PSMC2: variants seen among roughly 807,000 people sequenced by gnomAD.
PSMC2 encodes 26S proteasome regulatory subunit 7.
Under a neutral mutation model 53.3 loss-of-function variants are expected in PSMC2, and 7 were observed. The ratio of observed to expected loss-of-function variants is 0.13; its 90% CI spans 0.07 to 0.25. The LOEUF (loss-of-function observed/expected upper bound fraction) is 0.25, where lower values mean the gene tolerates loss of function less well. Among genes scored for constraint, PSMC2 ranks in the 10% least tolerant of loss-of-function variants. The pLI is 1.00. For synonymous variants in PSMC2, 169 were observed against 183.9 expected, an observed-to-expected ratio of 0.92 and a Z score of 0.66; for missense variants, 241 against 544.0, an observed-to-expected ratio of 0.44 and a Z score of 5.54.
At position 103,353,160 on chromosome 7, in the gene PSMC2, ATG is replaced by A. The variant is rs368540050; in HGVS notation, c.71-757_71-756del. ...AACACCATTTCAGGTTACTCTCCAC[ATG>A]TGTTTTAAGTGATTTTTATATAAAA... is the stretch of plus-strand genomic sequence containing the variant. On this transcript the variant is annotated intron_variant, in intron 1 of 11. Transcript: ENST00000292644. Among the ~76,000 whole-genome samples, 143 of 152,242 alleles carry A rather than the reference ATG, an allele frequency of 9.4e-4. 1 individual carries two copies. Among genetic ancestry groups the A allele is most frequent in the African/African-American group, 3.1e-3 (127 of 41,548 alleles).
At position 103,356,157 on chromosome 7, in the gene PSMC2, T is replaced by A. The variant is rs190648535; in HGVS notation, c.290+364T>A. ...GCATGCAAAGAAACATATCCTGATT[T>A]TTTTTTTTTTAGATATAACTACATG... is the stretch of plus-strand genomic sequence containing the variant. On this transcript the variant is annotated intron_variant, in intron 4 of 11. Transcript: ENST00000292644. 4.7e-3 allele frequency among the ~76,000 whole-genome samples: 719 copies of A among 152,158 alleles called. 2 individuals carry two copies. Among genetic ancestry groups the A allele is most frequent in the Non-Finnish European group, 7.0e-3 (476 of 67,986 alleles).
intron 1 of PSMC2, 117 bp downstream of exon 1, chr7:103,347,898 CTAGTAATT>C: frequency 8.8e-7 from 1 of 1,142,598 alleles, no homozygotes; most frequent in Admixed American, 1.9e-5. Flanking sequence ...TTTTGTGCCC[CTAGTAATT>C]TAGTCTGGAC....
At chr7:103,360,168 A>C (rs1820298831) in intron 4 of PSMC2, among the ~76,000 whole-genome samples, 2 of 151,850 alleles carry the variant, frequency 1.3e-5, no homozygotes, top group South Asian at 4.1e-4. Flanking sequence ...CCCCTTATGT[A>C]TGAGCCATAA....
intron 8 of PSMC2, 147 bp downstream of exon 8, chr7:103,364,454 G>A: frequency 1.2e-6 from 1 of 869,556 alleles, no homozygotes; most frequent in Non-Finnish European, 1.7e-6. Flanking sequence ...TGTTGCCCAG[G>A]CTGGAGTGCA....
At chr7:103,360,681 T>G (rs1280095670) in intron 4 of PSMC2, among the ~76,000 whole-genome samples, 1 of 152,232 alleles carries the variant, frequency 6.6e-6, no homozygotes, top group Non-Finnish European at 1.5e-5. Flanking sequence ...TGAGTTCTGT[T>G]TTTTGTTTTT....
intron 8 of PSMC2, among the ~76,000 whole-genome samples, chr7:103,364,958 C>CATATATATATATATATATATATATAT (rs59914167): frequency 5.1e-4 from 64 of 125,456 alleles, no homozygotes; most frequent in Non-Finnish European, 6.3e-4. Flanking sequence ...TGTAGACATA[C>CATATATATATATATATATATATATAT]ATATATATAT....
At chr7:103,356,793 A>G (rs1820058172) in intron 4 of PSMC2, among the ~76,000 whole-genome samples, 1 of 152,136 alleles carries the variant, frequency 6.6e-6, no homozygotes, top group South Asian at 2.1e-4. Flanking sequence ...ATATACCAAT[A>G]TTTCCATTAT....
chr7:103,354,065 T>A, intron 2 of PSMC2, 107 bp downstream of exon 2: 1 of 840,322 alleles, frequency 1.2e-6, no homozygotes, highest in Non-Finnish European at 1.8e-6. Context: ...AACCAAAAAT[T>A]AAAAAACCAA....
intron 8 of PSMC2, 30 bp downstream of exon 8, chr7:103,364,337 C>A (rs1362263690): frequency 6.2e-7 from 1 of 1,608,932 alleles, no homozygotes; most frequent in Non-Finnish European, 8.5e-7. Flanking sequence ...GAATATATAG[C>A]CTTGTGAAAG....
chr7:103,366,176 C>G lies in PSMC2; in HGVS notation c.844+13C>G, dbSNP rs760231306. ...GATGCTATTGGAGGTGAGAATGATACGTTAGAGAACTGCTTTAGGATTCAG... is the reference window on the plus strand; with the variant it reads ...GATGCTATTGGAGGTGAGAATGATAGGTTAGAGAACTGCTTTAGGATTCAG... On this transcript the variant is annotated intron_variant, in intron 9 of 11. Coordinates refer to ENST00000292644, the MANE Select transcript of PSMC2 (RefSeq NM_002803.4). 4 of 1,586,462 alleles carry G rather than the reference C, an allele frequency of 2.5e-6. No homozygotes were observed. The highest frequency in any genetic ancestry group is 4.5e-5 in the East Asian group (2 of 44,742).
intron 4 of PSMC2, among the ~76,000 whole-genome samples, chr7:103,359,138 C>CTTTTTTTTTTTTTTTT (rs35936603): frequency 4.1e-4 from 13 of 31,334 alleles, no homozygotes; most frequent in Admixed American, 6.6e-4. Flanking sequence ...CCATGTCTGG[C>CTTTTTTTTTTTTTTTT]TTTTTTTTTT....
chr7:103,353,819 T>C (rs1467963602), intron 1 of PSMC2, 102 bp from the exon 2 acceptor site: 8 of 1,025,120 alleles, frequency 7.8e-6, no homozygotes. Context: ...GACACTCACT[T>C]AAAACAATTT....
At chr7:103,364,432 A>G in intron 8 of PSMC2, 125 bp downstream of exon 8, 1 of 1,074,032 alleles carries the variant, frequency 9.3e-7, no homozygotes, top group Admixed American at 2.3e-5. Context: ...TTGTTGAGAC[A>G]GAGTCTCATT....
At position 103,368,027 on chromosome 7, in the gene PSMC2, T is replaced by C; in HGVS notation, c.1275T>C (p.Ala425=). The change falls in exon 12 of 12, where the codon GCT becomes GCC. Residue 425 remains alanine (A), a synonymous_variant. Transcript: ENST00000292644. ...KVIKSYAKFS[A]TPRYMTYN The stretch of plus-strand genomic sequence containing the variant: ...TTAAGTCTTATGCCAAATTCAGTGC[T>C]ACTCCTCGTTACATGACATACAACT... 1 of 1,613,596 alleles carries C rather than the reference T, an allele frequency of 6.2e-7. No homozygotes were observed. Among genetic ancestry groups the C allele is most frequent in the Non-Finnish European group, 8.5e-7 (1 of 1,179,746 alleles).
At chr7:103,353,280 A>C (rs1413612786) in intron 1 of PSMC2, among the ~76,000 whole-genome samples, 1 of 152,014 alleles carries the variant, frequency 6.6e-6, no homozygotes. Context: ...ATGTTCTGTT[A>C]TCATTTTAAA....
intron 1 of PSMC2, among the ~76,000 whole-genome samples, chr7:103,351,120 G>C (rs1358573243): frequency 2.6e-5 from 4 of 152,114 alleles, no homozygotes; most frequent in Non-Finnish European, 5.9e-5. Flanking sequence ...CTGACCTCTA[G>C]AGCCAGATTT....
At chr7:103,361,833 T>C in intron 4 of PSMC2, 124 bp from the exon 5 acceptor site, 1 of 887,622 alleles carries the variant, frequency 1.1e-6, no homozygotes, top group Non-Finnish European at 1.6e-6. Flanking sequence ...TCTTTAACAG[T>C]GTCCCAGTTT....
chr7:103,348,828 T>A (rs1819665464), intron 1 of PSMC2: 1 of 663,772 alleles, frequency 1.5e-6, no homozygotes, highest in African/African-American at 1.8e-5. Context: ...ACCATGATAG[T>A]TCTTTGTACA....
chr7:103,364,714 C>A (rs904789929), intron 8 of PSMC2, among the ~76,000 whole-genome samples: 2 of 151,864 alleles, frequency 1.3e-5, no homozygotes, highest in Non-Finnish European at 2.9e-5. Flanking sequence ...GGCCTGAGAC[C>A]TGAAATTTCT....
Sources: gnomAD v4.1 joint callset for allele counts (sites outside exome capture counted in the v4.1 genomes callset) on GRCh38, gnomAD v4.1.1 for gene constraint, MANE v1.5 for transcripts, NCBI Gene and HGNC (gene_info 2026-07-23, HGNC 2026-07-21) for gene names.